The following TP53BP1 variants were observed in gnomAD, a reference collection of about 807,000 sequenced individuals.
The protein encoded by TP53BP1 is TP53-binding protein 1.
In TP53BP1, 61 loss-of-function variants were observed where a neutral mutation model predicts 200.8. The ratio of observed to expected loss-of-function variants is 0.30; its 90% CI spans 0.25 to 0.38. The LOEUF is 0.38. TP53BP1 is among the 10% of genes least tolerant of loss of function. The pLI is 1.00. For synonymous variants in TP53BP1, 822 were observed against 844.3 expected, an observed-to-expected ratio of 0.97 and a Z score of 0.46; for missense variants, 2,144 against 2,371.9, an observed-to-expected ratio of 0.90 and a Z score of 2.00.
At chr15:43,472,661 C>T (rs1336828027) in intron 10 of TP53BP1, among the ~76,000 whole-genome samples, 2 of 152,244 alleles carry the variant, frequency 1.3e-5, no homozygotes, top group Non-Finnish European at 1.5e-5. Flanking sequence ...GGTTCCTTCT[C>T]ACCAGAAATG....
chr15:43,456,096 G>A lies in TP53BP1; in HGVS notation c.2512C>T (p.Pro838Ser), dbSNP rs2046288058. 6.2e-7 allele frequency: 1 copy of A among 1,614,200 alleles called. No individual in the cohort carries two copies. Among genetic ancestry groups the A allele is most frequent in the Non-Finnish European group, 8.5e-7 (1 of 1,180,034 alleles). Residue 838 changes from proline to serine, a missense_variant, in exon 12 of 28, where the codon CCT becomes TCT. This residue lies in a region of TP53BP1 where 1,700 missense variants were observed against 1,710.3 expected (regional missense o/e 0.99). Coordinates refer to ENST00000382044, the MANE Select transcript of TP53BP1 (RefSeq NM_001141980.3). ...TEPVEQDSSQ[P>S]SLPLVRADDP... ...TCTGCTCTCACTAAAGGTAAGGAAG[G>A]CTGTGAAGAATCTTGCTCTACAGGT...
intron 1 of TP53BP1, among the ~76,000 whole-genome samples, chr15:43,504,852 C>A (rs1045083647): frequency 6.6e-6 from 1 of 152,022 alleles, no homozygotes; most frequent in South Asian, 2.1e-4. Flanking sequence ...AACCCTGTCT[C>A]TACCAAAAAT....
At chr15:43,446,196 T>C (rs1355372224) in intron 14 of TP53BP1, among the ~76,000 whole-genome samples, 191 bp downstream of exon 14, 2 of 152,142 alleles carry the variant, frequency 1.3e-5, no homozygotes, top group Non-Finnish European at 2.9e-5. Context: ...AGCTATAATA[T>C]GGAGATTATA....
chr15:43,407,770 T>C, intron 27 of TP53BP1, 173 bp downstream of exon 27: 1 of 783,108 alleles, frequency 1.3e-6, no homozygotes, highest in East Asian at 2.6e-5. Flanking sequence ...TTAACAAATA[T>C]ACGTCCAGTG....
chr15:43,452,438 G>A (rs2046192868), intron 12 of TP53BP1, among the ~76,000 whole-genome samples: 1 of 151,834 alleles, frequency 6.6e-6, no homozygotes, highest in South Asian at 2.1e-4. Flanking sequence ...CACGCCTGTA[G>A]TCCCGGCTTC....
chr15:43,446,681 G>A, intron 13 of TP53BP1, 91 bp from the exon 14 acceptor site: 1 of 1,559,844 alleles, frequency 6.4e-7, no homozygotes, highest in East Asian at 2.3e-5. Flanking sequence ...TTGCCTGTTT[G>A]GCTCCACAGC....
Position 43,403,866 on chromosome 15 carries a change from A to C in TP53BP1, c.*3517T>G, listed in dbSNP as rs774484084. On this transcript the variant is annotated 3_prime_UTR_variant, in exon 28 of 28. Transcript: ENST00000382044. ...AGGTGGTTTTGCCAATGGAGAATTC[A>C]TGATCTTTCCTCTGAGTCAGTAAAG... 33 of 1,103,562 alleles carry C rather than the reference A, an allele frequency of 3.0e-5. No individual in the cohort carries two copies. Among genetic ancestry groups the C allele is most frequent in the African/African-American group, 6.1e-5 (4 of 65,076 alleles). 68.4% of individuals were successfully genotyped at this position (1,103,562 alleles called of 1,614,324 possible).
At chr15:43,489,174 T>C (rs538224646) in intron 4 of TP53BP1, among the ~76,000 whole-genome samples, 1 of 152,260 alleles carries the variant, frequency 6.6e-6, no homozygotes, top group African/African-American at 2.4e-5. Context: ...TGATCACAGT[T>C]GTAATGGAAT....
At chr15:43,505,137 A>C (rs2079229498) in intron 1 of TP53BP1, among the ~76,000 whole-genome samples, 1 of 152,236 alleles carries the variant, frequency 6.6e-6, no homozygotes, top group Non-Finnish European at 1.5e-5. Flanking sequence ...AACTGATGAG[A>C]AGAAAGACAA....
intron 11 of TP53BP1, 110 bp downstream of exon 11, chr15:43,469,748 A>G: frequency 1.1e-6 from 1 of 950,152 alleles, no homozygotes; most frequent in Non-Finnish European, 1.5e-6. Flanking sequence ...CTAAAATATC[A>G]CAAAATTATA....
intron 1 of TP53BP1, chr15:43,510,277 C>G (rs2079265608): frequency 6.6e-6 from 1 of 152,306 alleles, no homozygotes; most frequent in South Asian, 2.1e-4. Context: ...TCAAATCCCC[C>G]TTGCTGCAGT....
chr15:43,420,174 G>T (rs1770585321), intron 21 of TP53BP1, 131 bp downstream of exon 21: 4 of 882,652 alleles, frequency 4.5e-6, no homozygotes, highest in Non-Finnish European at 3.5e-6. Flanking sequence ...AACCAATTTT[G>T]TAGGAATGAA....
At chr15:43,449,357 G>A (rs1258743280) in intron 12 of TP53BP1, among the ~76,000 whole-genome samples, 1 of 152,112 alleles carries the variant, frequency 6.6e-6, no homozygotes, top group Non-Finnish European at 1.5e-5. Flanking sequence ...ATATATTCCA[G>A]ACTTCTGAAA....
In TP53BP1 at chr15:43,409,657, T is replaced by C. The variant is rs138398416; in HGVS notation, c.5390A>G (p.Asn1797Ser). Residue 1797 changes from asparagine (N) to serine (S), a missense_variant, in exon 25 of 28, where the codon AAT becomes AGT. Coordinates refer to ENST00000382044, the MANE Select transcript of TP53BP1 (RefSeq NM_001141980.3). ...AGAGYILEDFNEAQCNTAYQC... is the reference protein window; with the variant it reads ...AGAGYILEDFSEAQCNTAYQC... ...AAAGAAACTCCTCACCTGGGCTTCA[T>C]TGAAATCTTCAAGGATATAGCCAGC... 3.6e-5 allele frequency: 55 copies of C among 1,546,410 alleles called. No homozygotes were observed. The highest frequency in any genetic ancestry group is 4.4e-5 in the Non-Finnish European group (51 of 1,146,492).
rs1032400927 is a variant in TP53BP1, at chr15:43,407,118, G to T, written c.*265C>A. On this transcript the variant is annotated 3_prime_UTR_variant, in exon 28 of 28. Transcript: ENST00000382044. ...CAATTTCCTTGGCCAGCTGTCCTCC[G>T]TAAGTGAATAAGCCTGTTGAAAGAC... The T allele has an allele frequency of 2.7e-6, 1 of 375,798 alleles. No homozygotes were observed. The highest frequency in any genetic ancestry group is 2.0e-5 in the African/African-American group (1 of 49,352). The allele number at this position is 375,798 out of a possible 1,614,324, so 23.3% of individuals were successfully genotyped here. A position where few individuals can be genotyped will look rare whatever the true frequency, so the allele number is the denominator to read the frequency against.
Position 43,456,859 on chromosome 15 carries a change from T to C in TP53BP1, c.1749A>G (p.Gln583=), listed in dbSNP as rs770920884. Residue 583 remains glutamine, a synonymous_variant, in exon 12 of 28, where the codon CAA becomes CAG. Transcript: ENST00000382044. ...TTGTTTTGTCATCATTCTGACTCAG[T>C]TGTACTTCACCATCCTGTGCTGGAT... The part of the protein sequence containing the change: ...LMNPAQDGEV[Q]LSQNDDKTKG... The C allele has an allele frequency of 8.1e-6, 13 of 1,613,940 alleles. No homozygotes were observed. The highest frequency in any genetic ancestry group is 5.5e-5 in the South Asian group (5 of 91,090).
In TP53BP1 at chr15:43,456,086, G is replaced by T. The variant is rs368299457; in HGVS notation, c.2522C>A (p.Pro841His). 10 of 1,614,060 alleles carry T rather than the reference G, an allele frequency of 6.2e-6. No individual in the cohort carries two copies. Among genetic ancestry groups the T allele is most frequent in the Non-Finnish European group, 8.5e-6 (10 of 1,180,050 alleles). The change falls in exon 12 of 28, where the codon CCT becomes CAT. Residue 841 changes from proline to histidine, a missense_variant. Transcript: ENST00000382044. ...TAAAGGATCATCTGCTCTCACTAAA[G>T]GTAAGGAAGGCTGTGAAGAATCTTG... is the stretch of plus-strand genomic sequence containing the variant. The part of the protein sequence containing the change: ...VEQDSSQPSL[P>H]LVRADDPLRL...
At chr15:43,469,801 A>C in intron 11 of TP53BP1, 57 bp downstream of exon 11, 1 of 1,403,372 alleles carries the variant, frequency 7.1e-7, no homozygotes, top group South Asian at 1.2e-5. Context: ...ATTATACCCC[A>C]ATAATGCTGC....
chr15:43,491,503 C>T (rs1156714705), intron 4 of TP53BP1, among the ~76,000 whole-genome samples, 166 bp downstream of exon 4: 1 of 152,174 alleles, frequency 6.6e-6, no homozygotes, highest in Non-Finnish European at 1.5e-5. Context: ...AAAACAGTTT[C>T]CAGCTATCAG....
Sources: gnomAD v4.1 joint callset for allele counts (sites outside exome capture counted in the v4.1 genomes callset) on GRCh38, gnomAD v4.1.1 for gene constraint, gnomAD v4.1.1 regional missense constraint, MANE v1.5 for transcripts, NCBI Gene and HGNC (gene_info 2026-07-23, HGNC 2026-07-21) for gene names.